ATP2B4: variants seen among roughly 807,000 people sequenced by gnomAD.
ATP2B4 encodes plasma membrane calcium-transporting ATPase 4.
ATP2B4 carries 39 observed loss-of-function variants against 110.3 expected under a neutral mutation model. That is an observed-to-expected ratio of 0.35 (90% CI 0.27 to 0.46). The LOEUF (loss-of-function observed/expected upper bound fraction) is 0.46, where lower values mean the gene tolerates loss of function less well. Among genes scored for constraint, ATP2B4 ranks in the 20% least tolerant of loss-of-function variants. The probability of loss-of-function intolerance (pLI) is 1.00; values close to 1 mark genes in which losing one functional copy is unlikely to be tolerated. For missense variants in ATP2B4, 1,135 were observed against 1,530.9 expected, an observed-to-expected ratio of 0.74 and a Z score of 4.32; for synonymous variants, 538 against 571.7, an observed-to-expected ratio of 0.94 and a Z score of 0.84.
intron 1 of ATP2B4, among the ~76,000 whole-genome samples, chr1:203,635,740 C>T (rs188099290): frequency 3.6e-3 from 548 of 152,240 alleles, no homozygotes; most frequent in Non-Finnish European, 4.9e-3. Context: ...TTTCCAAATA[C>T]TTAGCCAGAG....
At chr1:203,666,583 G>A (rs1664510989) in intron 1 of ATP2B4, among the ~76,000 whole-genome samples, 1 of 152,160 alleles carries the variant, frequency 6.6e-6, no homozygotes, top group East Asian at 1.9e-4. Context: ...ATAGTAGAAA[G>A]CTGACTCCTC....
At position 203,707,776 on chromosome 1, in the gene ATP2B4, G is replaced by T; in HGVS notation, c.1315-86G>T. 3 of 1,535,400 alleles carry T rather than the reference G, an allele frequency of 2.0e-6. No individual in the cohort carries two copies. The South Asian group carries it at 3.6e-5, about 18-fold the overall frequency. ...GGGACTGGAAGATGAAATGTGGAGA[G>T]ATGTTGGCTAGGAAATGGCCTTTGA... On this transcript the variant is annotated intron_variant, in intron 9 of 20. Transcript: ENST00000357681.
intron 2 of ATP2B4, among the ~76,000 whole-genome samples, chr1:203,684,326 T>G (rs1419084246): frequency 6.6e-6 from 1 of 150,666 alleles, no homozygotes; most frequent in Non-Finnish European, 1.5e-5. Context: ...CAGACCAGCC[T>G]GGGTGACATA....
chr1:203,660,097 A>AAG (rs1553245082), intron 1 of ATP2B4, among the ~76,000 whole-genome samples: 3 of 120,652 alleles, frequency 2.5e-5, no homozygotes, highest in African/African-American at 6.2e-5. Context: ...AAAAAAAAAA[A>AAG]AAAGAAAGAA....
At chr1:203,660,453 T>C (rs1295622418) in intron 1 of ATP2B4, among the ~76,000 whole-genome samples, 1 of 150,392 alleles carries the variant, frequency 6.6e-6, no homozygotes, top group Non-Finnish European at 1.5e-5. Context: ...CCCAGTTCAA[T>C]GTAACAGCCG....
At chr1:203,724,495 C>T (rs902741910) in intron 19 of ATP2B4, among the ~76,000 whole-genome samples, 15 of 150,188 alleles carry the variant, frequency 1.0e-4, no homozygotes, top group Admixed American at 4.0e-4. Context: ...CCAGCCTGGG[C>T]GACAGAGCAA....
chr1:203,650,567 A>C (rs527418061), intron 1 of ATP2B4, among the ~76,000 whole-genome samples: 7 of 152,318 alleles, frequency 4.6e-5, no homozygotes, highest in Non-Finnish European at 5.9e-5. Context: ...GCTGGTAGCC[A>C]GCTGAGCCCG....
At chr1:203,709,209 G>A in intron 10 of ATP2B4, 92 bp from the exon 11 acceptor site, 1 of 1,521,788 alleles carries the variant, frequency 6.6e-7, no homozygotes, top group Non-Finnish European at 9.0e-7. Context: ...GGTATATAAT[G>A]TGAAGGCTTT....
chr1:203,719,225 G>GAAAAAAAAAAAAAAAAAAAA (rs60841821), intron 15 of ATP2B4, among the ~76,000 whole-genome samples: 14 of 54,404 alleles, frequency 2.6e-4, no homozygotes, highest in African/African-American at 9.0e-4. Flanking sequence ...ACCCTGTCTC[G>GAAAAAAAAAAAAAAAAAAAA]AAAAAAAAAA....
intron 1 of ATP2B4, among the ~76,000 whole-genome samples, chr1:203,653,985 ATTTT>A (rs1218633538): frequency 1.8e-5 from 2 of 112,432 alleles, no homozygotes; most frequent in East Asian, 5.2e-4. Context: ...ATATATATAT[ATTTT>A]TTTTTTTTTT....
intron 1 of ATP2B4, among the ~76,000 whole-genome samples, chr1:203,638,983 G>C (rs1045582320): frequency 3.3e-5 from 5 of 152,214 alleles, no homozygotes; most frequent in Non-Finnish European, 7.3e-5. Context: ...CTTGAGCTGA[G>C]AGAGGCAGAG....
In ATP2B4 at chr1:203,729,835, G is replaced by C. The variant is rs866590407; in HGVS notation, c.3309+2264G>C. Reference sequence around the variant, plus strand: ...ACAGTGGTCCTTGGTTTGTCTCTCAGAGGGCTTGGTCCCCTCTGCTGTGAG... The same window carrying C: ...ACAGTGGTCCTTGGTTTGTCTCTCACAGGGCTTGGTCCCCTCTGCTGTGAG... On this transcript the variant is annotated intron_variant, in intron 20 of 20. Transcript: ENST00000357681. 9.2e-5 allele frequency: 117 copies of C among 1,267,884 alleles called. 3 individuals are homozygous for C. The South Asian group carries it at 1.4e-3, about 15-fold the overall frequency. 78.5% of individuals were successfully genotyped at this position (1,267,884 alleles called of 1,614,324 possible). A position where few individuals can be genotyped will look rare whatever the true frequency, so the allele number is the denominator to read the frequency against.
chr1:203,725,904 C>CTTTTTTTT lies in ATP2B4; in HGVS notation c.3133-1476_3133-1469dup, dbSNP rs756184004. The stretch of plus-strand genomic sequence containing the variant: ...ATTTCTTTTTCTTTTCTTTTCTTTT[C>CTTTTTTTT]TTTTTTTTTTTTTTTTTTTTTTAAG... On this transcript the variant is annotated intron_variant, in intron 19 of 20. Coordinates refer to ENST00000357681, the MANE Select transcript of ATP2B4 (RefSeq NM_001684.5). 7.4e-4 allele frequency among the ~76,000 whole-genome samples: 69 copies of CTTTTTTTT among 93,368 alleles called. 1 individual carries two copies. Among genetic ancestry groups the CTTTTTTTT allele is most frequent in the African/African-American group, 1.3e-3 (29 of 22,188 alleles). The allele number at this position is 93,368 out of a possible 152,430, so 61.3% of individuals were successfully genotyped here. A position where few individuals can be genotyped will look rare whatever the true frequency, so the allele number is the denominator to read the frequency against.
chr1:203,709,194 C>A, intron 10 of ATP2B4, 107 bp from the exon 11 acceptor site: 1 of 1,424,204 alleles, frequency 7.0e-7, no homozygotes, highest in Non-Finnish European at 9.6e-7. Context: ...CCCCTATGAG[C>A]TCCAGGTATA....
intron 19 of ATP2B4, 100 bp downstream of exon 19, chr1:203,724,088 T>C: frequency 1.1e-6 from 1 of 915,182 alleles, no homozygotes; most frequent in East Asian, 2.8e-5. Context: ...CCCCAGCTCC[T>C]CATCTTCATC....
At chr1:203,738,899 C>A (rs1197339040) in intron 20 of ATP2B4, among the ~76,000 whole-genome samples, 5 of 152,144 alleles carry the variant, frequency 3.3e-5, no homozygotes, top group Admixed American at 2.6e-4. Context: ...ATGCATGTTT[C>A]CTGGCTGAAA....
intron 15 of ATP2B4, 34 bp from the exon 16 acceptor site, chr1:203,720,515 C>T (rs2102213323): frequency 1.3e-6 from 2 of 1,568,638 alleles, no homozygotes; most frequent in South Asian, 1.2e-5. Flanking sequence ...GCTTTATCCA[C>T]TCCCTCACTG....
intron 1 of ATP2B4, among the ~76,000 whole-genome samples, chr1:203,634,372 G>T (rs542619637): frequency 6.6e-6 from 1 of 152,198 alleles, no homozygotes; most frequent in South Asian, 2.1e-4. Flanking sequence ...TAGAGATAGG[G>T]TCTCACTCTG....
intron 8 of ATP2B4, among the ~76,000 whole-genome samples, chr1:203,706,185 A>G (rs1212290122): frequency 6.6e-6 from 1 of 152,116 alleles, no homozygotes; most frequent in Non-Finnish European, 1.5e-5. Context: ...ACGTACTGTA[A>G]TGTGTAGGGT....
Sources: allele counts gnomAD v4.1 joint callset (sites outside exome capture counted in the v4.1 genomes callset), GRCh38; gene constraint gnomAD v4.1.1; transcripts MANE v1.5; gene names NCBI Gene and HGNC (gene_info 2026-07-23, HGNC 2026-07-21).